SLC24A2: variants seen among roughly 807,000 people sequenced by gnomAD.
SLC24A2 encodes sodium/potassium/calcium exchanger 2.
A neutral mutation model predicts 62.0 loss-of-function variants in SLC24A2; 36 were observed. That is an observed-to-expected ratio of 0.58 (90% CI 0.44 to 0.77). SLC24A2 has a LOEUF of 0.77. SLC24A2 is among the 30% of genes least tolerant of loss of function. The pLI is 0.00. For missense variants in SLC24A2, 846 were observed against 817.9 expected (o/e 1.03, Z -0.42); for synonymous variants, 358 against 294.0 (o/e 1.22, Z -2.23).
intron 2 of SLC24A2, among the ~76,000 whole-genome samples, chr9:19,683,369 T>G (rs930513313): frequency 2.0e-5 from 3 of 152,116 alleles, no homozygotes; most frequent in African/African-American, 7.2e-5. Flanking sequence ...TCTGGGAGAT[T>G]ACATGGATGT....
chr9:19,706,376 AAT>A lies in SLC24A2; in HGVS notation c.930+79559_930+79560del, dbSNP rs1427776307. On this transcript the variant is annotated intron_variant, in intron 2 of 10. Transcript: ENST00000341998. ...GAACACAGCACACTGATGGGTCTTG[AAT>A]CTTTTTTTTTTTTTTTTTTGAGACG... is the stretch of plus-strand genomic sequence containing the variant. 7.4e-4 allele frequency among the ~76,000 whole-genome samples: 89 copies of A among 120,812 alleles called. 11 individuals carry two copies. The highest frequency in any genetic ancestry group is 8.9e-4 in the Non-Finnish European group (50 of 56,324). 79.3% of individuals were successfully genotyped at this position (120,812 alleles called of 152,430 possible).
chr9:20,196,847 A>G, the SLC24A2 span, among the ~76,000 whole-genome samples: 1 of 152,170 alleles, frequency 6.6e-6, no homozygotes, highest in African/African-American at 2.4e-5. Flanking sequence ...TAAAAACAAC[A>G]CTTGTGGAAT....
chr9:20,185,334 T>C, the SLC24A2 span, among the ~76,000 whole-genome samples: 2 of 152,048 alleles, frequency 1.3e-5, no homozygotes, highest in African/African-American at 4.8e-5. Context: ...ACAATAAATA[T>C]ATACAATATT....
At chr9:19,545,794 A>AATTAG (rs1469147890) in intron 8 of SLC24A2, among the ~76,000 whole-genome samples, 3 of 151,632 alleles carry the variant, frequency 2.0e-5, no homozygotes, top group Non-Finnish European at 4.4e-5. Flanking sequence ...ACCCACCACC[A>AATTAG]CGCCTGCCTA....
chr9:19,916,576 A>T, the SLC24A2 span, among the ~76,000 whole-genome samples: 1 of 152,012 alleles, frequency 6.6e-6, no homozygotes, highest in Non-Finnish European at 1.5e-5. Context: ...AATAAATAAT[A>T]CACATTTTCA....
At chr9:19,641,092 T>C (rs1407782836) in intron 2 of SLC24A2, among the ~76,000 whole-genome samples, 1 of 152,238 alleles carries the variant, frequency 6.6e-6, no homozygotes. Context: ...GATTTTGCTC[T>C]GGTCCAGACC....
At position 19,515,983 on chromosome 9, in the gene SLC24A2, G is replaced by A. The variant is rs1832905705; in HGVS notation, c.*170C>T. 1 of 824,454 alleles carries A rather than the reference G, an allele frequency of 1.2e-6. No individual in the cohort carries two copies. Among genetic ancestry groups the A allele is most frequent in the East Asian group, 2.5e-5 (1 of 40,222 alleles). 51.1% of individuals were successfully genotyped at this position (824,454 alleles called of 1,614,324 possible). On this transcript the variant is annotated 3_prime_UTR_variant, in exon 11 of 11. Coordinates refer to ENST00000341998, the MANE Select transcript of SLC24A2 (RefSeq NM_020344.4). ...TCAGTAGGCAGGGTGGAAGCAGCCTGTGAAGTGAATGGGCCCAGTGTGAAT... is the reference window on the plus strand; with the variant it reads ...TCAGTAGGCAGGGTGGAAGCAGCCTATGAAGTGAATGGGCCCAGTGTGAAT...
At chr9:19,661,170 C>G (rs1819087599) in intron 2 of SLC24A2, among the ~76,000 whole-genome samples, 1 of 150,832 alleles carries the variant, frequency 6.6e-6, no homozygotes. Flanking sequence ...AAAATCTTGC[C>G]ATTACCAGCA....
intron 2 of SLC24A2, among the ~76,000 whole-genome samples, chr9:19,683,780 TTTAAAAACA>T (rs1390567271): frequency 6.6e-6 from 1 of 152,116 alleles, no homozygotes; most frequent in Non-Finnish European, 1.5e-5. Context: ...GATGGGAGCA[TTTAAAAACA>T]TTATTTTTTT....
chr9:20,125,495 C>T, the SLC24A2 span, among the ~76,000 whole-genome samples: 5 of 152,176 alleles, frequency 3.3e-5, no homozygotes, highest in Non-Finnish European at 7.3e-5. Context: ...ACTTCCTATA[C>T]ATATAAGACT....
At chr9:20,275,640 G>A in the SLC24A2 span, among the ~76,000 whole-genome samples, 3 of 152,160 alleles carry the variant, frequency 2.0e-5, no homozygotes, top group Non-Finnish European at 2.9e-5. Context: ...ATGATATGTT[G>A]ATTGAGATAT....
chr9:20,224,684 C>G, the SLC24A2 span, among the ~76,000 whole-genome samples: 1 of 148,816 alleles, frequency 6.7e-6, no homozygotes, highest in Admixed American at 6.8e-5. Context: ...GAGGAAAAGG[C>G]AGAGAAGAAG....
In SLC24A2 at chr9:19,619,672, T is replaced by C. The variant is rs1465925666; in HGVS notation, c.990A>G (p.Arg330=). Residue 330 remains arginine, a synonymous_variant, in exon 4 of 11, where the codon CGA becomes CGG. Coordinates refer to ENST00000341998, the MANE Select transcript of SLC24A2 (RefSeq NM_020344.4). ...PTLPAKPRLQ[R]GGSSASLHNS... is the part of the protein sequence containing the mutation. ...TGTGGAGGGAGGCAGAGCTTCCACC[T>C]CGCTGGAGACGCGGCTTAGCCTGAG... 6.2e-7 allele frequency: 1 copy of C among 1,613,718 alleles called. No homozygotes were observed. Among genetic ancestry groups the C allele is most frequent in the Non-Finnish European group, 8.5e-7 (1 of 1,179,790 alleles).
At chr9:20,088,794 C>A in the SLC24A2 span, among the ~76,000 whole-genome samples, 1 of 152,142 alleles carries the variant, frequency 6.6e-6, no homozygotes, top group Non-Finnish European at 1.5e-5. Context: ...GCCTCCCCAA[C>A]TGGTGTGTTT....
At chr9:19,539,390 T>G (rs1199650736) in intron 8 of SLC24A2, among the ~76,000 whole-genome samples, 1 of 151,538 alleles carries the variant, frequency 6.6e-6, no homozygotes, top group Non-Finnish European at 1.5e-5. Context: ...GTCCCAGAGA[T>G]TCTGGTATGT....
chr9:19,671,566 C>T (rs1819416616), intron 2 of SLC24A2, among the ~76,000 whole-genome samples: 3 of 152,126 alleles, frequency 2.0e-5, no homozygotes, highest in South Asian at 4.1e-4. Flanking sequence ...TATCTGATTG[C>T]TCTGGCTAGG....
the SLC24A2 span, among the ~76,000 whole-genome samples, chr9:19,820,028 C>CATATATATATACATATATAT: frequency 1.8e-5 from 1 of 54,586 alleles, no homozygotes. Context: ...TATATATACA[C>CATATATATATACATATATAT]ATATATATAT....
the SLC24A2 span, among the ~76,000 whole-genome samples, chr9:19,994,712 G>T: frequency 6.6e-6 from 1 of 152,166 alleles, no homozygotes; most frequent in African/African-American, 2.4e-5. Context: ...GACATGGGCT[G>T]CCATCTACTT....
In SLC24A2 at chr9:19,569,467, G is replaced by A. The variant is rs182253556; in HGVS notation, c.1347+3884C>T. ...AGCTTCCCACTCCCAAGAGGAGGGT[G>A]AAGTCCAGACTGGTTGGCAGTGCGC... On this transcript the variant is annotated intron_variant, in intron 7 of 10. Transcript: ENST00000341998. Among the ~76,000 whole-genome samples, 401 of 152,338 alleles carry A rather than the reference G, an allele frequency of 2.6e-3. 2 individuals carry two copies. The Middle Eastern group carries it at 0.065, about 25-fold the overall frequency.
Sources: allele counts gnomAD v4.1 joint callset (sites outside exome capture counted in the v4.1 genomes callset), GRCh38; gene constraint gnomAD v4.1.1; transcripts MANE v1.5; gene names NCBI Gene and HGNC (gene_info 2026-07-23, HGNC 2026-07-21).